The following SYNDIG1 variants were observed in gnomAD, a reference collection of about 807,000 sequenced individuals.
SYNDIG1 encodes the protein synapse differentiation-inducing gene protein 1.
A neutral mutation model predicts 19.4 loss-of-function variants in SYNDIG1; 9 were observed. The observed-to-expected ratio is 0.46, with a 90% confidence interval of 0.28 to 0.81. The LOEUF (loss-of-function observed/expected upper bound fraction) is 0.81, where lower values mean the gene tolerates loss of function less well. Ranked by LOEUF, SYNDIG1 falls within the 30% of genes least tolerant of loss-of-function variation. The pLI, the probability that SYNDIG1 is intolerant of heterozygous loss-of-function variation, is 0.12. For missense variants in SYNDIG1, 311 were observed against 343.3 expected (o/e 0.91, Z 0.74); for synonymous variants, 141 against 145.9 (o/e 0.97, Z 0.24).
intron 3 of SYNDIG1, among the ~76,000 whole-genome samples, chr20:24,610,074 C>G (rs768277163): frequency 6.6e-6 from 1 of 152,086 alleles, no homozygotes; most frequent in Non-Finnish European, 1.5e-5. Context: ...ATAGAAAACA[C>G]GAAGAGCAGG....
chr20:24,512,101 T>C (rs899081457), intron 1 of SYNDIG1, among the ~76,000 whole-genome samples: 1 of 123,594 alleles, frequency 8.1e-6, no homozygotes. Context: ...GCACCATTGG[T>C]CTTTAAAATA....
chr20:24,554,032 G>A (rs1347577448), intron 2 of SYNDIG1, among the ~76,000 whole-genome samples: 2 of 152,160 alleles, frequency 1.3e-5, no homozygotes. Flanking sequence ...CACATGCCTT[G>A]TAAGTTGGAT....
chr20:24,539,869 C>T (rs2057435195), intron 1 of SYNDIG1, among the ~76,000 whole-genome samples: 1 of 152,138 alleles, frequency 6.6e-6, no homozygotes, highest in African/African-American at 2.4e-5. Flanking sequence ...ACCTCTGCCT[C>T]CTGTGTTCAA....
At chr20:24,495,841 T>C (rs1381948575) in intron 1 of SYNDIG1, 1 of 151,976 alleles carries the variant, frequency 6.6e-6, no homozygotes, top group Non-Finnish European at 1.5e-5. Flanking sequence ...TTTATTTTTA[T>C]TTTATTTATT....
At chr20:24,562,914 T>A (rs1214033410) in intron 2 of SYNDIG1, among the ~76,000 whole-genome samples, 1 of 150,710 alleles carries the variant, frequency 6.6e-6, no homozygotes, top group Non-Finnish European at 1.5e-5. Flanking sequence ...ATGAGTGAAA[T>A]ACCTTCTGAC....
chr20:24,585,120 C>T (rs1348944341), intron 3 of SYNDIG1, 127 bp downstream of exon 3: 3 of 1,285,898 alleles, frequency 2.3e-6, no homozygotes, highest in Non-Finnish European at 3.2e-6. Context: ...TGGGTCGGCA[C>T]TTGCCCAGTT....
At chr20:24,646,626 AT>A (rs780443485) in intron 3 of SYNDIG1, among the ~76,000 whole-genome samples, 304 of 145,278 alleles carry the variant, frequency 2.1e-3, no homozygotes, top group Non-Finnish European at 2.0e-3. Flanking sequence ...GATGCTCAGT[AT>A]TTTTTTTTTT....
intron 2 of SYNDIG1, among the ~76,000 whole-genome samples, chr20:24,561,429 G>A (rs767053591): frequency 1.5e-4 from 23 of 152,178 alleles, no homozygotes; most frequent in African/African-American, 2.9e-4. Context: ...GTAGCTGGGC[G>A]TGGTTTTCCA....
intron 1 of SYNDIG1, among the ~76,000 whole-genome samples, chr20:24,522,320 G>A (rs1337438149): frequency 6.6e-6 from 1 of 152,068 alleles, no homozygotes; most frequent in Non-Finnish European, 1.5e-5. Context: ...CCAACTCCTA[G>A]CTCCAAGCGA....
chr20:24,619,000 C>T (rs2058995622), intron 3 of SYNDIG1, among the ~76,000 whole-genome samples: 1 of 152,176 alleles, frequency 6.6e-6, no homozygotes, highest in Non-Finnish European at 1.5e-5. Context: ...CAGGTATGGC[C>T]TCTGTAGAAC....
At chr20:24,651,633 G>A (rs898175720) in intron 3 of SYNDIG1, among the ~76,000 whole-genome samples, 67 of 152,202 alleles carry the variant, frequency 4.4e-4, no homozygotes, top group African/African-American at 4.1e-4. Flanking sequence ...TGAAAGGGGC[G>A]TCACTGGAGG....
intron 1 of SYNDIG1, among the ~76,000 whole-genome samples, chr20:24,520,651 C>T (rs534881821): frequency 6.6e-6 from 1 of 151,390 alleles, no homozygotes; most frequent in Non-Finnish European, 1.5e-5. Context: ...TGAGATCATG[C>T]CAGTGTACTC....
intron 1 of SYNDIG1, among the ~76,000 whole-genome samples, chr20:24,520,347 T>C (rs951614817): frequency 1.3e-5 from 2 of 152,016 alleles, no homozygotes; most frequent in Non-Finnish European, 2.9e-5. Flanking sequence ...TCAGAATTAA[T>C]ATGTTTGAGG....
chr20:24,587,349 G>A (rs1175619941), intron 3 of SYNDIG1, among the ~76,000 whole-genome samples: 3 of 152,116 alleles, frequency 2.0e-5, no homozygotes, highest in Non-Finnish European at 4.4e-5. Context: ...CCCTTGGCAG[G>A]GCCTGTGTCT....
intron 3 of SYNDIG1, among the ~76,000 whole-genome samples, chr20:24,661,544 G>GGAGAGAA (rs2059601442): frequency 7.2e-6 from 1 of 138,636 alleles, no homozygotes; most frequent in Non-Finnish European, 1.6e-5. Context: ...GAGGAAGGAG[G>GGAGAGAA]GAGGGAGGAA....
intron 1 of SYNDIG1, among the ~76,000 whole-genome samples, chr20:24,526,572 G>T (rs57928728): frequency 0.011 from 1,749 of 152,132 alleles, 34 homozygotes; most frequent in African/African-American, 0.039. Flanking sequence ...TATATATAGA[G>T]AGAGAGATAT....
At chr20:24,528,266 T>C (rs1044887834) in intron 1 of SYNDIG1, among the ~76,000 whole-genome samples, 3 of 152,212 alleles carry the variant, frequency 2.0e-5, no homozygotes, top group African/African-American at 7.2e-5. Context: ...GTATCCTAAG[T>C]ATGGTTGTTT....
At chr20:24,590,790 G>C (rs957878628) in intron 3 of SYNDIG1, among the ~76,000 whole-genome samples, 1 of 152,194 alleles carries the variant, frequency 6.6e-6, no homozygotes, top group African/African-American at 2.4e-5. Context: ...GGGTAGGAGT[G>C]TAAGGCCTGA....
intron 3 of SYNDIG1, among the ~76,000 whole-genome samples, chr20:24,607,382 TAAAG>T (rs1453763862): frequency 3.0e-3 from 414 of 139,112 alleles, no homozygotes; most frequent in South Asian, 7.6e-3. Flanking sequence ...AAAAAAAGAA[TAAAG>T]AAAAGAAAGA....
Sources: gnomAD v4.1 joint callset for allele counts (sites outside exome capture counted in the v4.1 genomes callset) on GRCh38, gnomAD v4.1.1 for gene constraint, MANE v1.5 for transcripts, NCBI Gene and HGNC (gene_info 2026-07-23, HGNC 2026-07-21) for gene names.